Variants in LRRIQ1 observed in about 807,000 individuals in gnomAD.
The protein encoded by LRRIQ1 is leucine-rich repeat- and IQ domain-containing protein 1.
A neutral mutation model predicts 211.9 loss-of-function variants in LRRIQ1; 210 were observed. That is an observed-to-expected ratio of 0.99 (90% CI 0.89 to 1.11). The LOEUF (loss-of-function observed/expected upper bound fraction) is 1.11. Ranked by LOEUF, LRRIQ1 falls within the 50% of genes most tolerant of loss-of-function variation. The pLI, the probability that LRRIQ1 is intolerant of heterozygous loss-of-function variation, is 0.00. For missense variants in LRRIQ1, 2,136 were observed against 1,939.5 expected, an observed-to-expected ratio of 1.10 and a Z score of -1.90; for synonymous variants, 699 against 650.1, an observed-to-expected ratio of 1.08 and a Z score of -1.14.
chr12:85,065,447 T>C (rs1359006186), intron 9 of LRRIQ1, 33 bp downstream of exon 9: 7 of 1,463,694 alleles, frequency 4.8e-6, no homozygotes, highest in Non-Finnish European at 6.4e-6. Flanking sequence ...ATTTATTTTA[T>C]AATAAAATAT....
intron 1 of LRRIQ1, among the ~76,000 whole-genome samples, chr12:85,257,823 A>G (rs1482031389): frequency 6.6e-6 from 1 of 151,906 alleles, no homozygotes; most frequent in Non-Finnish European, 1.5e-5. Context: ...AGAATGACAG[A>G]ATTTAGTGAA....
chr12:85,247,328 A>G (rs1377486085), downstream of LRRIQ1, among the ~76,000 whole-genome samples: 1 of 151,568 alleles, frequency 6.6e-6, no homozygotes, highest in Non-Finnish European at 1.5e-5. Context: ...TCACCTTATA[A>G]AGCTATTAAT....
intron 8 of LRRIQ1, among the ~76,000 whole-genome samples, chr12:85,059,184 G>A (rs1881489896): frequency 6.6e-6 from 1 of 151,792 alleles, no homozygotes; most frequent in Non-Finnish European, 1.5e-5. Flanking sequence ...GCCATCCTTG[G>A]GATGTCCTTC....
rs566828805 is a variant in LRRIQ1 at position 85,134,211 on chromosome 12, C to T, written c.4210-3639C>T. On this transcript the variant is annotated intron_variant, in intron 18 of 26. Transcript: ENST00000393217. ...AATAACATTCCGGCTATTAATTTTG[C>T]CTGCTGATGGTATATTTAGGTTGGT... 2.7e-4 allele frequency among the ~76,000 whole-genome samples: 41 copies of T among 152,184 alleles called. No individual in the cohort carries two copies. In the East Asian group the frequency reaches 4.5e-3, roughly 17 times the overall value.
In LRRIQ1 at chr12:85,253,727, G is replaced by A. The variant is rs146420390; in HGVS notation, c.121+8818G>A. Among the ~76,000 whole-genome samples, 321 of 152,000 alleles carry A rather than the reference G, an allele frequency of 2.1e-3. 2 individuals carry two copies. The highest frequency in any genetic ancestry group is 1.2e-3 in the East Asian group (6 of 5,152). ...AAACACAAATGGACACACACACACAGAACTTTACTTCCTAATCCTTGCTGT... is the reference window on the plus strand; with the variant it reads ...AAACACAAATGGACACACACACACAAAACTTTACTTCCTAATCCTTGCTGT... On this transcript the variant is annotated intron_variant, in intron 1 of 1. Coordinates refer to the LRRIQ1 transcript ENST00000602731.
At chr12:85,093,802 A>G (rs913336236) in intron 11 of LRRIQ1, among the ~76,000 whole-genome samples, 10 of 152,222 alleles carry the variant, frequency 6.6e-5, no homozygotes, top group African/African-American at 9.6e-5. Flanking sequence ...TTCAGACAGT[A>G]GCAGAGATTT....
At chr12:85,103,211 A>G (rs961480078) in intron 13 of LRRIQ1, among the ~76,000 whole-genome samples, 3 of 150,676 alleles carry the variant, frequency 2.0e-5, no homozygotes, top group African/African-American at 7.3e-5. Context: ...GGTTTTCGAT[A>G]ACAATTATAA....
intron 24 of LRRIQ1, among the ~76,000 whole-genome samples, chr12:85,193,792 A>G (rs1324906334): frequency 6.7e-6 from 1 of 149,214 alleles, no homozygotes; most frequent in Non-Finnish European, 1.5e-5. Context: ...AGCTAACATC[A>G]TAATGACAGG....
chr12:85,056,021 T>A lies in LRRIQ1; in HGVS notation c.1228T>A (p.Leu410Ile), dbSNP rs1480426201. Reference sequence around the variant, plus strand: ...GAAGAGCGGATATAATAACAAACATTTAAGTCTTGAAGATATTTCAAATGA... The same window carrying A: ...GAAGAGCGGATATAATAACAAACATATAAGTCTTGAAGATATTTCAAATGA... The part of the protein sequence containing the change: ...LKKSGYNNKH[L>I]SLEDISNDKG... The change falls in exon 8 of 27, where the codon TTA (leucine) becomes ATA (isoleucine). Residue 410 changes from leucine (L) to isoleucine (I), a missense_variant. By Grantham distance (5) the Leu-to-Ile change is conservative. Transcript: ENST00000393217. 6.2e-7 allele frequency: 1 copy of A among 1,604,632 alleles called. No homozygotes were observed. Among genetic ancestry groups the A allele is most frequent in the Non-Finnish European group, 8.5e-7 (1 of 1,177,278 alleles).
At chr12:85,262,995 G>C in exon 2 of LRRIQ1, 1 of 987,796 alleles carries the variant, frequency 1.0e-6, no homozygotes, top group Non-Finnish European at 1.2e-6. Flanking sequence ...ATCATTCCGA[G>C]ACAATCCTGT....
At chr12:85,149,816 A>G (rs1890117556) in intron 19 of LRRIQ1, among the ~76,000 whole-genome samples, 2 of 151,796 alleles carry the variant, frequency 1.3e-5, no homozygotes. Context: ...GAAATTTCTA[A>G]GAGATAGTAG....
intron 11 of LRRIQ1, among the ~76,000 whole-genome samples, chr12:85,081,182 C>T (rs1032113682): frequency 1.3e-5 from 2 of 152,018 alleles, no homozygotes; most frequent in Admixed American, 6.6e-5. Flanking sequence ...TTGTGACCTC[C>T]TAGGTTTGTA....
intron 15 of LRRIQ1, among the ~76,000 whole-genome samples, chr12:85,108,873 TA>T (rs775796269): frequency 2.6e-5 from 4 of 152,072 alleles, no homozygotes; most frequent in African/African-American, 4.8e-5. Context: ...AAATACATAT[TA>T]GGTAGCAAAA....
At chr12:85,102,829 A>G (rs1423789858) in intron 13 of LRRIQ1, among the ~76,000 whole-genome samples, 2 of 151,194 alleles carry the variant, frequency 1.3e-5, no homozygotes, top group Non-Finnish European at 3.0e-5. Context: ...AATAAAAGTG[A>G]AAATTAATGC....
chr12:85,099,066 C>T, intron 13 of LRRIQ1, 72 bp downstream of exon 13: 1 of 1,028,456 alleles, frequency 9.7e-7, no homozygotes, highest in Non-Finnish European at 1.4e-6. Context: ...CATAAACTAC[C>T]ATAAAAGTTA....
At chr12:85,144,793 T>C (rs1456591406) in intron 19 of LRRIQ1, among the ~76,000 whole-genome samples, 1 of 151,694 alleles carries the variant, frequency 6.6e-6, no homozygotes, top group Non-Finnish European at 1.5e-5. Context: ...TTAAATATTG[T>C]TCATATTTTA....
chr12:85,137,311 G>C (rs1889204673), intron 18 of LRRIQ1, among the ~76,000 whole-genome samples: 1 of 151,198 alleles, frequency 6.6e-6, no homozygotes, highest in Non-Finnish European at 1.5e-5. Context: ...TGGAGTTATA[G>C]TTAGGAAAGC....
At chr12:85,211,415 A>C (rs1233503368) in intron 24 of LRRIQ1, among the ~76,000 whole-genome samples, 1 of 152,156 alleles carries the variant, frequency 6.6e-6, no homozygotes, top group Admixed American at 6.5e-5. Flanking sequence ...ACAATATTTT[A>C]GGACTGCAAT....
chr12:85,231,299 A>G (rs1380635138), intron 25 of LRRIQ1, among the ~76,000 whole-genome samples: 1 of 152,220 alleles, frequency 6.6e-6, no homozygotes, highest in African/African-American at 2.4e-5. Flanking sequence ...GTGAAAAATC[A>G]TATGGAAATG....
Sources: allele counts gnomAD v4.1 joint callset (sites outside exome capture counted in the v4.1 genomes callset), GRCh38; gene constraint gnomAD v4.1.1; transcripts MANE v1.5; gene names NCBI Gene and HGNC (gene_info 2026-07-23, HGNC 2026-07-21).